Variants in GOLGA1 observed in about 807,000 individuals in gnomAD.
GOLGA1 encodes golgin subfamily A member 1.
GOLGA1 carries 63 observed loss-of-function variants against 119.7 expected under a neutral mutation model. The observed-to-expected ratio is 0.53, with a 90% CI of 0.43 to 0.65. The LOEUF is 0.65. GOLGA1 is among the 30% of genes least tolerant of loss of function. GOLGA1 has a pLI of 0.00. For missense variants in GOLGA1, 798 were observed against 912.8 expected, an observed-to-expected ratio of 0.87 and a Z score of 1.62; for synonymous variants, 318 against 333.4, an observed-to-expected ratio of 0.95 and a Z score of 0.50.
chr9:124,923,283 A>C, intron 7 of GOLGA1, 60 bp from the exon 8 acceptor site: 1 of 1,383,362 alleles, frequency 7.2e-7, no homozygotes, highest in South Asian at 1.3e-5. Context: ...CTGTATTACG[A>C]AAGTGAAAAT....
At position 124,881,644 on chromosome 9, in the gene GOLGA1, G is replaced by A; in HGVS notation, c.2136+140C>T. On this transcript the variant is annotated intron_variant, in intron 21 of 22. Transcript: ENST00000373555. This position sits in a 1 kb window ranked among gnomAD's most constrained non-coding sequence, Gnocchi z 4.9. The stretch of plus-strand genomic sequence containing the variant: ...CTCACTCCGCAGGCCAACGCCAGCA[G>A]GAGAAATGACTGGGTGACCACAAGG... The A allele has an allele frequency of 1.5e-6, 1 of 689,516 alleles. No homozygotes were observed. The highest frequency in any genetic ancestry group is 1.9e-5 in the South Asian group (1 of 52,372). The allele number at this position is 689,516 out of a possible 1,614,324, so 42.7% of individuals were successfully genotyped here. A position where few individuals can be genotyped will look rare whatever the true frequency, so the allele number is the denominator to read the frequency against.
Position 124,889,475 on chromosome 9 carries a change from A to C in GOLGA1, c.1559T>G (p.Val520Gly). Residue 520 changes from valine (V) to glycine (G), a missense_variant, in exon 17 of 23, where the codon GTG becomes GGG. Coordinates refer to ENST00000373555, the MANE Select transcript of GOLGA1 (RefSeq NM_002077.4). Reference sequence around the variant, plus strand: ...AATCTCCTGCTCTTTCTGGAGAAGCACTTCGGTTTTTTCCCGCAGATTCTG... The same window carrying C: ...AATCTCCTGCTCTTTCTGGAGAAGCCCTTCGGTTTTTTCCCGCAGATTCTG... ...KEQNLREKTE[V>G]LLQKEQEILQ... is the part of the protein sequence containing the mutation. 6.2e-7 allele frequency: 1 copy of C among 1,613,950 alleles called. No individual in the cohort carries two copies. The highest frequency in any genetic ancestry group is 8.5e-7 in the Non-Finnish European group (1 of 1,179,816).
chr9:124,889,903 G>A (rs547532838), intron 16 of GOLGA1, among the ~76,000 whole-genome samples: 1 of 152,310 alleles, frequency 6.6e-6, no homozygotes, highest in East Asian at 1.9e-4. Context: ...TTTCCCAGAG[G>A]TGTAAGTAGA....
chr9:124,899,558 G>T, intron 13 of GOLGA1, 80 bp from the exon 14 acceptor site: 1 of 1,358,608 alleles, frequency 7.4e-7, no homozygotes, highest in Non-Finnish European at 1.0e-6. Context: ...TAGGTGAGAA[G>T]ATGAGTATCC....
chr9:124,917,292 T>C (rs1253977837), intron 10 of GOLGA1, among the ~76,000 whole-genome samples: 1 of 152,230 alleles, frequency 6.6e-6, no homozygotes, highest in African/African-American at 2.4e-5. Context: ...AGAGGGCTCA[T>C]TGCCTTATTA....
chr9:124,887,582 TC>T (rs1280194431), intron 19 of GOLGA1: 1 of 152,138 alleles, frequency 6.6e-6, no homozygotes, highest in African/African-American at 2.4e-5. Flanking sequence ...ATGAACACTT[TC>T]CCCCTTGTAA....
chr9:124,939,546 CTTTCTTTT>C (rs1397858106), intron 2 of GOLGA1, among the ~76,000 whole-genome samples: 17 of 39,992 alleles, frequency 4.3e-4, no homozygotes, highest in African/African-American at 1.7e-3. Context: ...TATTTTCTTT[CTTTCTTTT>C]TTTTTTTTTT....
chr9:124,895,947 T>TAACAGAGAACC lies in GOLGA1; in HGVS notation c.1407+2601_1407+2602insGGTTCTCTGTT, dbSNP rs1175328880. 3.5e-5 allele frequency among the ~76,000 whole-genome samples: 5 copies of TAACAGAGAACC among 142,924 alleles called. No homozygotes were observed. In the East Asian group the frequency reaches 1.1e-3, roughly 32 times the overall value. The allele number at this position is 142,924 out of a possible 152,430, so 93.8% of individuals were successfully genotyped here. A position where few individuals can be genotyped will look rare whatever the true frequency, so the allele number is the denominator to read the frequency against. ...GAGACCCTCCACAACAGAGACCCTCTATAACAGAGAACCATCCACAACAGA... is the reference window on the plus strand; with the variant it reads ...GAGACCCTCCACAACAGAGACCCTCTAACAGAGAACCATAACAGAGAACCATCCACAACAGA... On this transcript the variant is annotated intron_variant, in intron 15 of 22. Coordinates refer to ENST00000373555, the MANE Select transcript of GOLGA1 (RefSeq NM_002077.4).
At chr9:124,919,908 C>A (rs1830529734) in intron 10 of GOLGA1, among the ~76,000 whole-genome samples, 1 of 151,948 alleles carries the variant, frequency 6.6e-6, no homozygotes, top group Admixed American at 6.6e-5. Context: ...TAAATTATGT[C>A]ATTGGGAAAT....
Position 124,881,316 on chromosome 9 carries a change from C to CG in GOLGA1, c.2137-60dup. On this transcript the variant is annotated intron_variant, in intron 21 of 22. Transcript: ENST00000373555. This position sits in a 1 kb window ranked among gnomAD's most constrained non-coding sequence, Gnocchi z 4.9. Reference sequence around the variant, plus strand: ...TGGTGAAGGTGAGGCGGGGTGGGGTCGGGGGAGCTACGTGGCATTTCCTGC... The same window carrying CG: ...TGGTGAAGGTGAGGCGGGGTGGGGTCGGGGGGAGCTACGTGGCATTTCCTGC... 2 of 946,886 alleles carry CG rather than the reference C, an allele frequency of 2.1e-6. No individual in the cohort carries two copies. The highest frequency in any genetic ancestry group is 3.4e-5 in the Admixed American group (2 of 58,966). 58.7% of individuals were successfully genotyped at this position (946,886 alleles called of 1,614,324 possible).
intron 16 of GOLGA1, 59 bp from the exon 17 acceptor site, chr9:124,889,595 G>C: frequency 8.9e-7 from 1 of 1,119,098 alleles, no homozygotes; most frequent in Non-Finnish European, 1.4e-6. Context: ...TCTTCCCACA[G>C]AAATCTCCAC....
intron 15 of GOLGA1, among the ~76,000 whole-genome samples, chr9:124,895,567 C>T (rs1434655219): frequency 1.3e-5 from 2 of 151,344 alleles, no homozygotes; most frequent in East Asian, 3.9e-4. Context: ...AGAGACCCTC[C>T]ACAACAAAGA....
At chr9:124,899,861 T>C (rs1263336990) in intron 13 of GOLGA1, among the ~76,000 whole-genome samples, 1 of 152,192 alleles carries the variant, frequency 6.6e-6, no homozygotes, top group Non-Finnish European at 1.5e-5. Context: ...AGGAGAAAGA[T>C]GTGGATTCTG....
At chr9:124,912,578 T>C (rs1308802428) in intron 10 of GOLGA1, among the ~76,000 whole-genome samples, 1 of 152,234 alleles carries the variant, frequency 6.6e-6, no homozygotes, top group East Asian at 1.9e-4. Flanking sequence ...AGTGTCGCTC[T>C]GTTGCCTTGG....
chr9:124,898,423 C>T, intron 15 of GOLGA1, 126 bp downstream of exon 15: 1 of 628,534 alleles, frequency 1.6e-6, no homozygotes, highest in Non-Finnish European at 2.8e-6. Flanking sequence ...CGATGCCTAA[C>T]AGAACTATTG....
At chr9:124,893,457 C>T (rs1426653032) in intron 15 of GOLGA1, among the ~76,000 whole-genome samples, 1 of 152,030 alleles carries the variant, frequency 6.6e-6, no homozygotes. Flanking sequence ...TTTTGTTTAC[C>T]TATCTTTGAT....
chr9:124,919,776 C>T (rs1445980770), intron 10 of GOLGA1, among the ~76,000 whole-genome samples: 1 of 152,032 alleles, frequency 6.6e-6, no homozygotes, highest in East Asian at 1.9e-4. Flanking sequence ...AGGGGAAGGG[C>T]TGGATGTCAA....
At chr9:124,902,297 A>G (rs2131417969) in intron 12 of GOLGA1, among the ~76,000 whole-genome samples, 1 of 150,954 alleles carries the variant, frequency 6.6e-6, no homozygotes, top group South Asian at 2.1e-4. Flanking sequence ...ATTTTTTAGT[A>G]GAGACGGGGT....
intron 20 of GOLGA1, among the ~76,000 whole-genome samples, chr9:124,882,268 T>C (rs1829604986): frequency 6.6e-6 from 1 of 152,214 alleles, no homozygotes; most frequent in Non-Finnish European, 1.5e-5. Context: ...GCAACCCCAC[T>C]TCCAGATGAG....
Sources: allele counts gnomAD v4.1 joint callset (sites outside exome capture counted in the v4.1 genomes callset), GRCh38; gene constraint gnomAD v4.1.1; non-coding constraint Gnocchi (gnomAD v3.1); transcripts MANE v1.5; gene names NCBI Gene and HGNC (gene_info 2026-07-23, HGNC 2026-07-21).